Variants in STAU2 observed in about 807,000 individuals in gnomAD.
STAU2 encodes staufen double-stranded RNA binding protein 2.
STAU2 carries 20 observed loss-of-function variants against 65.9 expected under a neutral mutation model. That is an observed-to-expected ratio of 0.30 (90% CI 0.21 to 0.44). The LOEUF is 0.44. Among genes scored for constraint, STAU2 ranks in the 20% least tolerant of loss-of-function variants. The pLI, the probability that STAU2 is intolerant of heterozygous loss-of-function variation, is 1.00. For missense variants in STAU2, 558 were observed against 683.9 expected, an observed-to-expected ratio of 0.82 and a Z score of 2.05; for synonymous variants, 232 against 233.9, an observed-to-expected ratio of 0.99 and a Z score of 0.07.
chr8:73,741,780 C>T lies in STAU2; in HGVS notation c.-196-1912G>A, dbSNP rs1293693765. ...CATCTGCCTCGGCCTCCCAAAGTGC[C>T]AAGATTACAGGCGTGAGCCACCACG... On this transcript the variant is annotated intron_variant, in intron 1 of 14. Coordinates refer to ENST00000524300, the MANE Select transcript of STAU2 (RefSeq NM_001164380.2). 3.9e-5 allele frequency among the ~76,000 whole-genome samples: 6 copies of T among 152,108 alleles called. No homozygotes were observed. The East Asian group carries it at 1.2e-3, about 29-fold the overall frequency.
At chr8:73,535,622 T>C (rs958181709) in intron 13 of STAU2, among the ~76,000 whole-genome samples, 2 of 152,252 alleles carry the variant, frequency 1.3e-5, no homozygotes, top group Non-Finnish European at 2.9e-5. Flanking sequence ...AACAGTTTCA[T>C]GTCTACCAGA....
chr8:73,428,181 T>A (rs59631222), intron 13 of STAU2, among the ~76,000 whole-genome samples: 12,989 of 152,220 alleles, frequency 0.085, 1,523 homozygotes, highest in African/African-American at 0.27. Flanking sequence ...CTTCTGGGAG[T>A]TCAATTGTTT....
intron 13 of STAU2, among the ~76,000 whole-genome samples, chr8:73,463,544 G>A (rs1819487391): frequency 6.6e-6 from 1 of 152,194 alleles, no homozygotes; most frequent in Admixed American, 6.5e-5. Flanking sequence ...AGGTTGCTAA[G>A]TTTTTCTAAG....
At chr8:73,459,459 T>C (rs1331082516) in intron 13 of STAU2, among the ~76,000 whole-genome samples, 2 of 152,360 alleles carry the variant, frequency 1.3e-5, no homozygotes, top group Admixed American at 1.3e-4. Flanking sequence ...GAGAGCCATC[T>C]TGAATGTCCA....
At chr8:73,641,646 T>G (rs1044732233) in intron 6 of STAU2, among the ~76,000 whole-genome samples, 1 of 152,212 alleles carries the variant, frequency 6.6e-6, no homozygotes, top group African/African-American at 2.4e-5. Flanking sequence ...AGATTTATAA[T>G]GTACTTAAGC....
chr8:73,590,510 T>C (rs1810695768), intron 11 of STAU2: 1 of 152,130 alleles, frequency 6.6e-6, no homozygotes, highest in Non-Finnish European at 1.5e-5. Context: ...GGTGATTCAT[T>C]GGAGGCTTAA....
At chr8:73,478,330 GA>G (rs1247456757) in intron 13 of STAU2, among the ~76,000 whole-genome samples, 4 of 119,738 alleles carry the variant, frequency 3.3e-5, no homozygotes, top group South Asian at 5.9e-4. Flanking sequence ...AAAAAAAATC[GA>G]AAAAAAAATA....
intron 6 of STAU2, among the ~76,000 whole-genome samples, chr8:73,649,869 T>TTACATATA (rs1815709372): frequency 1.4e-5 from 1 of 71,656 alleles, no homozygotes; most frequent in African/African-American, 5.5e-5. Flanking sequence ...CTATATAATT[T>TTACATATA]TATATATATA....
chr8:73,708,876 T>C (rs1477324760), intron 4 of STAU2, among the ~76,000 whole-genome samples, 156 bp downstream of exon 4: 1 of 152,142 alleles, frequency 6.6e-6, no homozygotes, highest in African/African-American at 2.4e-5. Context: ...ACAAAATAGT[T>C]TAGTTACATA....
chr8:73,422,855 G>A (rs1350359120), intron 13 of STAU2, among the ~76,000 whole-genome samples, 153 bp from the exon 14 acceptor site: 2 of 152,164 alleles, frequency 1.3e-5, no homozygotes, highest in Non-Finnish European at 2.9e-5. Flanking sequence ...AAGTCTGCAT[G>A]ATCAGGCAGC....
At chr8:73,627,755 TA>T (rs10540688) in intron 6 of STAU2, among the ~76,000 whole-genome samples, 22,273 of 143,690 alleles carry the variant, frequency 0.16, 2,623 homozygotes, top group African/African-American at 0.33. Flanking sequence ...TAAACCTTGT[TA>T]AAAAAAAAAA....
chr8:73,535,575 T>G (rs1806128134), intron 13 of STAU2, among the ~76,000 whole-genome samples: 1 of 152,232 alleles, frequency 6.6e-6, no homozygotes, highest in African/African-American at 2.4e-5. Context: ...ATTTTAGTTT[T>G]ACATTTCCAT....
intron 13 of STAU2, among the ~76,000 whole-genome samples, chr8:73,480,215 G>C (rs1456835649): frequency 2.0e-5 from 3 of 151,872 alleles, no homozygotes; most frequent in Non-Finnish European, 2.9e-5. Flanking sequence ...GGCTATGTTG[G>C]AATAGTCCCA....
At position 73,455,888 on chromosome 8, in the gene STAU2, T is replaced by A. The variant is rs1048215044; in HGVS notation, c.1531-33186A>T. ...AACACATAACCTAAAACATAGTGGA[T>A]GTTCAGTACATATGAGATGGATGGA... is the stretch of plus-strand genomic sequence containing the variant. On this transcript the variant is annotated intron_variant, in intron 13 of 14. Transcript: ENST00000524300. Among the ~76,000 whole-genome samples, 8 of 152,178 alleles carry A rather than the reference T, an allele frequency of 5.3e-5. 1 individual carries two copies. The highest frequency in any genetic ancestry group is 1.9e-4 in the African/African-American group (8 of 41,416).
chr8:73,594,092 T>G (rs1360490902), intron 11 of STAU2, among the ~76,000 whole-genome samples: 1 of 152,168 alleles, frequency 6.6e-6, no homozygotes, highest in Non-Finnish European at 1.5e-5. Flanking sequence ...CAGTTTTAAG[T>G]CAATATAAAT....
intron 6 of STAU2, among the ~76,000 whole-genome samples, chr8:73,643,318 C>T (rs1331245538): frequency 1.3e-5 from 2 of 152,132 alleles, no homozygotes; most frequent in Admixed American, 6.5e-5. Context: ...TACAGTACTC[C>T]GTTAAGTATT....
intron 13 of STAU2, among the ~76,000 whole-genome samples, chr8:73,481,565 A>T (rs1820635953): frequency 6.6e-6 from 1 of 151,730 alleles, no homozygotes; most frequent in South Asian, 2.1e-4. Flanking sequence ...AGCATTCTCT[A>T]GCGAGAACGG....
chr8:73,654,664 A>AAAAAAAAAAAAAAACAAT (rs1554556802), intron 6 of STAU2, among the ~76,000 whole-genome samples: 1 of 122,986 alleles, frequency 8.1e-6, no homozygotes, highest in Admixed American at 8.8e-5. Context: ...AAAAAAAAGA[A>AAAAAAAAAAAAAAACAAT]CTCTTTTAAT....
At chr8:73,513,044 C>G (rs1324385527) in intron 13 of STAU2, among the ~76,000 whole-genome samples, 1 of 152,194 alleles carries the variant, frequency 6.6e-6, no homozygotes, top group Non-Finnish European at 1.5e-5. Flanking sequence ...CTTCCATTCA[C>G]TGCTTTTTCC....
Sources: gnomAD v4.1 joint callset for allele counts (sites outside exome capture counted in the v4.1 genomes callset) on GRCh38, gnomAD v4.1.1 for gene constraint, MANE v1.5 for transcripts, NCBI Gene and HGNC (gene_info 2026-07-23, HGNC 2026-07-21) for gene names.